GTF2I: variants seen among roughly 807,000 people sequenced by gnomAD.
GTF2I encodes the protein general transcription factor II-I.
Under a neutral mutation model 67.6 loss-of-function variants are expected in GTF2I, and 12 were observed. The observed-to-expected ratio is 0.18, with a 90% CI of 0.11 to 0.29. GTF2I has a LOEUF of 0.29. GTF2I is among the 10% of genes least tolerant of loss of function. The pLI, the probability that GTF2I is intolerant of heterozygous loss-of-function variation, is 1.00. For synonymous variants in GTF2I, 149 were observed against 197.0 expected, an observed-to-expected ratio of 0.76 and a Z score of 2.04; for missense variants, 271 against 580.1, an observed-to-expected ratio of 0.47 and a Z score of 5.47.
intron 1 of GTF2I, among the ~76,000 whole-genome samples, chr7:74,674,096 G>T (rs1161312019): frequency 2.8e-5 from 4 of 140,620 alleles, no homozygotes; most frequent in African/African-American, 8.0e-5. Context: ...TTTTAACAGG[G>T]TCTTGTTCTG....
intron 1 of GTF2I, among the ~76,000 whole-genome samples, chr7:74,667,162 A>G (rs1002781550): frequency 1.8e-4 from 27 of 151,982 alleles, no homozygotes; most frequent in South Asian, 4.2e-4. Flanking sequence ...ACAAACAAAC[A>G]AAAAAACACA....
intron 1 of GTF2I, among the ~76,000 whole-genome samples, chr7:74,677,524 C>T (rs1806002385): frequency 6.6e-6 from 1 of 151,532 alleles, no homozygotes. Flanking sequence ...ATTGGTTGGC[C>T]AGGTGTGGCA....
At chr7:74,731,418 A>G (rs1794465013) in intron 14 of GTF2I, among the ~76,000 whole-genome samples, 1 of 145,220 alleles carries the variant, frequency 6.9e-6, no homozygotes, top group Non-Finnish European at 1.5e-5. Flanking sequence ...CTACAATTAG[A>G]GTAAATTTGC....
intron 10 of GTF2I, among the ~76,000 whole-genome samples, chr7:74,716,170 T>TAATCCTAA (rs1222424014): frequency 2.6e-5 from 4 of 152,100 alleles, no homozygotes; most frequent in African/African-American, 9.7e-5. Context: ...CTTGCGTTCT[T>TAATCCTAA]AATCCTAAGT....
At chr7:74,693,735 A>G (rs587774195) in intron 3 of GTF2I, among the ~76,000 whole-genome samples, 72 of 151,986 alleles carry the variant, frequency 4.7e-4, no homozygotes, top group Admixed American at 7.9e-4. Flanking sequence ...AGTCCCAGCT[A>G]TTTGGGAGGC....
intron 1 of GTF2I, among the ~76,000 whole-genome samples, chr7:74,676,305 T>C (rs1554392377): frequency 6.6e-6 from 1 of 152,094 alleles, no homozygotes; most frequent in African/African-American, 2.4e-5. Context: ...CATGTTCTCA[T>C]TAAAACAAAA....
chr7:74,663,478 G>C (rs1457438962), intron 1 of GTF2I, among the ~76,000 whole-genome samples: 1 of 152,018 alleles, frequency 6.6e-6, no homozygotes, highest in Non-Finnish European at 1.5e-5. Flanking sequence ...CATAGAGATG[G>C]GGTTTCACCA....
intron 1 of GTF2I, 136 bp from the exon 2 acceptor site, chr7:74,688,988 G>A: frequency 1.6e-6 from 1 of 634,608 alleles, no homozygotes; most frequent in Non-Finnish European, 2.9e-6. Flanking sequence ...CAAATACTTA[G>A]TTTCTGAGCC....
intron 1 of GTF2I, among the ~76,000 whole-genome samples, chr7:74,659,845 A>G (rs1315068482): frequency 2.0e-5 from 3 of 152,144 alleles, no homozygotes; most frequent in Non-Finnish European, 4.4e-5. Flanking sequence ...GCTGGGCCTC[A>G]TCTCTTTTAA....
chr7:74,705,505 T>TC (rs781890523), intron 7 of GTF2I, among the ~76,000 whole-genome samples: 9 of 152,128 alleles, frequency 5.9e-5, no homozygotes, highest in African/African-American at 1.4e-4. Flanking sequence ...TATACTGTTT[T>TC]CCCCAAAAGA....
chr7:74,676,952 C>T (rs587615662), intron 1 of GTF2I, among the ~76,000 whole-genome samples: 7 of 152,016 alleles, frequency 4.6e-5, no homozygotes, highest in South Asian at 4.2e-4. Flanking sequence ...CCAGCTACTC[C>T]GGAGATCCAG....
In GTF2I at chr7:74,680,097, A is replaced by ATAT. The variant is rs1287173019; in HGVS notation, c.-5-9027_-5-9026insTAT. Reference sequence around the variant, plus strand: ...TCCATCTCAAAAAAAAAAAAAAAAAAAAATATATATATATATATATGTATG... The same window carrying ATAT: ...TCCATCTCAAAAAAAAAAAAAAAAAATATAAATATATATATATATATATGTATG... On this transcript the variant is annotated intron_variant, in intron 1 of 34. Transcript: ENST00000573035. Among the ~76,000 whole-genome samples, 450 of 88,316 alleles carry ATAT rather than the reference A, an allele frequency of 5.1e-3. 1 individual carries two copies. The highest frequency in any genetic ancestry group is 9.2e-3 in the South Asian group (30 of 3,248). The allele number at this position is 88,316 out of a possible 152,430, so 57.9% of individuals were successfully genotyped here. A position where few individuals can be genotyped will look rare whatever the true frequency, so the allele number is the denominator to read the frequency against.
chr7:74,678,135 G>T (rs1806071360), intron 1 of GTF2I, among the ~76,000 whole-genome samples: 1 of 151,478 alleles, frequency 6.6e-6, no homozygotes, highest in Non-Finnish European at 1.5e-5. Flanking sequence ...GCTCACTGCA[G>T]CCTTCACCTC....
intron 1 of GTF2I, among the ~76,000 whole-genome samples, chr7:74,664,722 C>A (rs964681062): frequency 7.2e-5 from 11 of 152,064 alleles, no homozygotes; most frequent in African/African-American, 2.2e-4. Flanking sequence ...CATGAGCCAC[C>A]ACGCCTGGCC....
At chr7:74,667,369 A>C (rs1805072074) in intron 1 of GTF2I, among the ~76,000 whole-genome samples, 1 of 152,262 alleles carries the variant, frequency 6.6e-6, no homozygotes, top group South Asian at 2.1e-4. Context: ...TGTAAGATGA[A>C]TTTGTTCCTT....
At chr7:74,676,220 CTT>C (rs1218355350) in intron 1 of GTF2I, among the ~76,000 whole-genome samples, 2 of 152,112 alleles carry the variant, frequency 1.3e-5, no homozygotes, top group Non-Finnish European at 2.9e-5. Flanking sequence ...TTATAATAAA[CTT>C]ATCAAGATAT....
chr7:74,670,044 C>T (rs1805320109), intron 1 of GTF2I, among the ~76,000 whole-genome samples: 1 of 152,076 alleles, frequency 6.6e-6, no homozygotes, highest in Non-Finnish European at 1.5e-5. Flanking sequence ...GGGAAATAAG[C>T]TATTTTCAAT....
chr7:74,669,026 C>T (rs181209346), intron 1 of GTF2I, among the ~76,000 whole-genome samples: 8 of 152,004 alleles, frequency 5.3e-5, no homozygotes, highest in South Asian at 4.1e-4. Context: ...TAAGCCACCA[C>T]GCCCGGCCCA....
At chr7:74,700,461 A>G in intron 5 of GTF2I, 31 bp downstream of exon 5, 1 of 1,611,438 alleles carries the variant, frequency 6.2e-7, no homozygotes, top group Non-Finnish European at 8.5e-7. Context: ...GTACCCATCA[A>G]CAGTTGATTC....
Sources: allele counts gnomAD v4.1 joint callset (sites outside exome capture counted in the v4.1 genomes callset), GRCh38; gene constraint gnomAD v4.1.1; transcripts MANE v1.5; gene names NCBI Gene and HGNC (gene_info 2026-07-23, HGNC 2026-07-21).